RDH11: variants seen among roughly 807,000 people sequenced by gnomAD.
The protein encoded by RDH11 is retinol dehydrogenase 11.
In RDH11, 19 loss-of-function variants were observed where a neutral mutation model predicts 33.4. The ratio of observed to expected loss-of-function variants is 0.57; its 90% CI spans 0.40 to 0.83. RDH11 has a LOEUF of 0.83. Ranked by LOEUF, RDH11 falls within the 40% of genes least tolerant of loss-of-function variation. The probability of loss-of-function intolerance (pLI) is 0.00; values close to 1 mark genes in which losing one functional copy is unlikely to be tolerated. For missense variants in RDH11, 353 were observed against 389.0 expected (o/e 0.91, Z 0.78); for synonymous variants, 154 against 155.3 (o/e 0.99, Z 0.06).
chr14:67,678,349 C>A lies in RDH11; in HGVS notation c.929G>T (p.Cys310Phe). ...TIARRLWDVSCDLLGLPID is the reference protein window; with the variant it reads ...TIARRLWDVSFDLLGLPID ...GTCTATTGGGAGGCCCAGCAGGTCA[C>A]AACTGACGTCCCACAGCCGCCTTGC... The change falls in exon 7 of 7, where the codon TGT (cysteine) becomes TTT (phenylalanine). Residue 310 changes from cysteine to phenylalanine, a missense_variant. Transcript: ENST00000381346. The A allele has an allele frequency of 6.2e-7, 1 of 1,613,996 alleles. No individual in the cohort carries two copies. The highest frequency in any genetic ancestry group is 8.5e-7 in the Non-Finnish European group (1 of 1,179,878).
At chr14:67,682,205 T>C (rs2140058637) in intron 6 of RDH11, among the ~76,000 whole-genome samples, 1 of 152,334 alleles carries the variant, frequency 6.6e-6, no homozygotes, top group Middle Eastern at 3.4e-3. Context: ...CTTTGTGACC[T>C]TGGGTAAGGC....
chr14:67,687,575 A>T (rs565129689), intron 5 of RDH11, among the ~76,000 whole-genome samples: 1 of 149,088 alleles, frequency 6.7e-6, no homozygotes, highest in South Asian at 2.1e-4. Context: ...AGGTTCAAGC[A>T]ATTCTCCTGC....
intron 5 of RDH11, among the ~76,000 whole-genome samples, chr14:67,688,122 T>C (rs1354455941): frequency 6.6e-6 from 1 of 152,112 alleles, no homozygotes; most frequent in Non-Finnish European, 1.5e-5. Flanking sequence ...TTTCTAATCA[T>C]CCTTCGGGGC....
At chr14:67,686,808 T>G (rs1485765861) in intron 5 of RDH11, among the ~76,000 whole-genome samples, 1 of 152,188 alleles carries the variant, frequency 6.6e-6, no homozygotes, top group Non-Finnish European at 1.5e-5. Context: ...ATACACTGCC[T>G]ATTAATCTAA....
In RDH11 at chr14:67,690,233, C is replaced by T. The variant is rs1273010216; in HGVS notation, c.643G>A (p.Glu215Lys). ...SKLANILFTQ[E>K]LARRLKGSGV... ...CCACCTTTTAGTCTCCGGGCCAGTT[C>T]CTGGGTGAAGAGGATGTTGGCTAGC... Residue 215 changes from glutamate to lysine, a missense_variant, in exon 5 of 7, where the codon GAA becomes AAA. Glu to Lys is a moderately conservative substitution (Grantham distance 56, BLOSUM62 1). Transcript: ENST00000381346. The T allele has an allele frequency of 6.2e-7, 1 of 1,613,626 alleles. No homozygotes were observed.
chr14:67,689,964 T>G, intron 5 of RDH11: 2 of 409,658 alleles, frequency 4.9e-6, no homozygotes, highest in African/African-American at 2.0e-5. Flanking sequence ...AAAAGTTAAG[T>G]AACTTGCTAT....
chr14:67,695,313 C>A (rs2037816091), intron 1 of RDH11, among the ~76,000 whole-genome samples: 2 of 152,146 alleles, frequency 1.3e-5, no homozygotes, highest in Non-Finnish European at 2.9e-5. Flanking sequence ...TTGAAGAGTC[C>A]GAAACTCAAG....
At chr14:67,683,038 A>G (rs2037633548) in intron 6 of RDH11, among the ~76,000 whole-genome samples, 1 of 152,258 alleles carries the variant, frequency 6.6e-6, no homozygotes. Context: ...GCAAATTCTT[A>G]GAGACATAAA....
intron 1 of RDH11, among the ~76,000 whole-genome samples, chr14:67,694,142 C>A (rs1038872869): frequency 2.6e-5 from 4 of 152,076 alleles, no homozygotes; most frequent in African/African-American, 9.7e-5. Context: ...CTTGGAATTG[C>A]AAGGTACATA....
Position 67,678,134 on chromosome 14 carries a change from G to T in RDH11, c.*187C>A. The stretch of plus-strand genomic sequence containing the variant: ...GCAGTAACAGAAGCAAAGTAAATCT[G>T]GACATGACAGACATTTAGACGAATC... On this transcript the variant is annotated 3_prime_UTR_variant, in exon 7 of 7. Transcript: ENST00000381346. 1 of 536,150 alleles carries T rather than the reference G, an allele frequency of 1.9e-6. No homozygotes were observed. The highest frequency in any genetic ancestry group is 3.4e-6 in the Non-Finnish European group (1 of 296,920). The allele number at this position is 536,150 out of a possible 1,614,324, so 33.2% of individuals were successfully genotyped here. A position where few individuals can be genotyped will look rare whatever the true frequency, so the allele number is the denominator to read the frequency against.
At chr14:67,682,012 C>T (rs1218070154) in intron 6 of RDH11, among the ~76,000 whole-genome samples, 1 of 152,124 alleles carries the variant, frequency 6.6e-6, no homozygotes, top group African/African-American at 2.4e-5. Flanking sequence ...TGCCCTCTCA[C>T]CATGTGATGC....
At chr14:67,688,895 G>A (rs1381447801) in intron 5 of RDH11, among the ~76,000 whole-genome samples, 1 of 150,048 alleles carries the variant, frequency 6.7e-6, no homozygotes, top group African/African-American at 2.5e-5. Flanking sequence ...TTCATCCCCT[G>A]TCCCCTAACC....
chr14:67,680,036 GGA>G (rs1380905381), intron 6 of RDH11, among the ~76,000 whole-genome samples: 1 of 152,156 alleles, frequency 6.6e-6, no homozygotes, highest in Non-Finnish European at 1.5e-5. Context: ...ACCAGCAGCA[GGA>G]GCATCAACTG....
At chr14:67,687,571 A>G (rs2037696192) in intron 5 of RDH11, among the ~76,000 whole-genome samples, 1 of 149,270 alleles carries the variant, frequency 6.7e-6, no homozygotes, top group Non-Finnish European at 1.5e-5. Context: ...TCCCAGGTTC[A>G]AGCAATTCTC....
chr14:67,688,906 C>T (rs191880866), intron 5 of RDH11, among the ~76,000 whole-genome samples: 1 of 152,310 alleles, frequency 6.6e-6, no homozygotes, highest in East Asian at 1.9e-4. Context: ...TCCCCTAACC[C>T]AGTGCACGGA....
At chr14:67,692,393 T>C in intron 3 of RDH11, 45 bp downstream of exon 3, 1 of 1,601,170 alleles carries the variant, frequency 6.2e-7, no homozygotes, top group African/African-American at 1.3e-5. Context: ...ATCTGCCATG[T>C]TGACCTCAAG....
At position 67,677,190 on chromosome 14, in the gene RDH11, G is replaced by C. The variant is rs2037549630; in HGVS notation, c.*1131C>G. On this transcript the variant is annotated 3_prime_UTR_variant, in exon 7 of 7. Coordinates refer to ENST00000381346, the MANE Select transcript of RDH11 (RefSeq NM_016026.4). Reference sequence around the variant, plus strand: ...GACTTCCTTTGGCAGCATTACTTTTGATAAGAAGTCTCCAAATAAAATACA... The same window carrying C: ...GACTTCCTTTGGCAGCATTACTTTTCATAAGAAGTCTCCAAATAAAATACA... 1 of 151,988 alleles carries C rather than the reference G, an allele frequency of 6.6e-6. No individual in the cohort carries two copies. The highest frequency in any genetic ancestry group is 2.4e-5 in the African/African-American group (1 of 41,390). The allele number at this position is 151,988 out of a possible 1,614,324, so 9.4% of individuals were successfully genotyped here. A position where few individuals can be genotyped will look rare whatever the true frequency, so the allele number is the denominator to read the frequency against.
At chr14:67,680,163 A>G (rs1252713972) in intron 6 of RDH11, among the ~76,000 whole-genome samples, 1 of 152,244 alleles carries the variant, frequency 6.6e-6, no homozygotes, top group Non-Finnish European at 1.5e-5. Flanking sequence ...TGAACACACT[A>G]AAGTTTGAGA....
In RDH11 at chr14:67,680,485, A is replaced by T. The variant is rs2037601076; in HGVS notation, c.855-2062T>A. On this transcript the variant is annotated intron_variant, in intron 6 of 6. Transcript: ENST00000381346. Reference sequence around the variant, plus strand: ...CAAGAGCTTTCTGGTTGTTTTTTTTAGACAGGGTCTCACTGTTGCCCAGGC... The same window carrying T: ...CAAGAGCTTTCTGGTTGTTTTTTTTTGACAGGGTCTCACTGTTGCCCAGGC... Among the ~76,000 whole-genome samples, 3 of 152,144 alleles carry T rather than the reference A, an allele frequency of 2.0e-5. No homozygotes were observed. The South Asian group carries it at 6.2e-4, about 32-fold the overall frequency.
Sources: gnomAD v4.1 joint callset for allele counts (sites outside exome capture counted in the v4.1 genomes callset) on GRCh38, gnomAD v4.1.1 for gene constraint, MANE v1.5 for transcripts, NCBI Gene and HGNC (gene_info 2026-07-23, HGNC 2026-07-21) for gene names.